The following DYM variants were observed in gnomAD, a reference collection of about 807,000 sequenced individuals.
The protein encoded by DYM is dyggve-Melchior-Clausen syndrome protein.
In DYM, 78 loss-of-function variants were observed where a neutral mutation model predicts 93.1. The observed-to-expected ratio is 0.84, with a 90% CI of 0.70 to 1.01. The LOEUF is 1.01. DYM is among the 50% of genes least tolerant of loss of function. DYM has a pLI of 0.00. For missense variants in DYM, 789 were observed against 845.0 expected (o/e 0.93, Z 0.82); for synonymous variants, 321 against 319.7 (o/e 1.00, Z -0.04).
chr18:49,312,976 T>C (rs530867007), intron 8 of DYM, among the ~76,000 whole-genome samples: 90 of 152,306 alleles, frequency 5.9e-4, no homozygotes, highest in Admixed American at 1.6e-3. Flanking sequence ...TAAGGCGTTA[T>C]GTACATGCAC....
At chr18:49,153,703 C>T (rs1374026439) in intron 15 of DYM, among the ~76,000 whole-genome samples, 3 of 152,032 alleles carry the variant, frequency 2.0e-5, no homozygotes, top group African/African-American at 7.2e-5. Context: ...TAAGTAAATA[C>T]ACGAGGGAGA....
At chr18:49,265,383 T>A (rs963206466) in intron 11 of DYM, among the ~76,000 whole-genome samples, 140 of 152,332 alleles carry the variant, frequency 9.2e-4, no homozygotes, top group African/African-American at 3.2e-3. Context: ...ATTTATTTGT[T>A]TCTTCTTCTG....
chr18:49,255,604 T>C (rs941559264), intron 13 of DYM, among the ~76,000 whole-genome samples: 17 of 142,994 alleles, frequency 1.2e-4, no homozygotes, highest in African/African-American at 4.5e-4. Flanking sequence ...ACCCAGGAGG[T>C]GGAGGTTGCA....
chr18:49,157,198 CT>C (rs2086566086), intron 15 of DYM, among the ~76,000 whole-genome samples: 1 of 152,138 alleles, frequency 6.6e-6, no homozygotes, highest in Non-Finnish European at 1.5e-5. Context: ...CCGGATGTTG[CT>C]GCTCACCTGT....
chr18:49,081,824 C>T (rs142783901), intron 17 of DYM, among the ~76,000 whole-genome samples: 259 of 152,350 alleles, frequency 1.7e-3, no homozygotes, highest in African/African-American at 5.6e-3. Context: ...TACTTTTCCA[C>T]ATGTGCCCCA....
At chr18:49,326,522 T>TACTAGTGGTAATTAAAAGGTAA (rs1410483736) in intron 8 of DYM, among the ~76,000 whole-genome samples, 1 of 152,136 alleles carries the variant, frequency 6.6e-6, no homozygotes, top group Non-Finnish European at 1.5e-5. Flanking sequence ...TTACACTAAT[T>TACTAGTGGTAATTAAAAGGTAA]TTAAAAACTT....
At position 49,112,566 on chromosome 18, in the gene DYM, A is replaced by G. The variant is rs183597160; in HGVS notation, c.1911+6178T>C. 5.3e-5 allele frequency among the ~76,000 whole-genome samples: 8 copies of G among 152,152 alleles called. No homozygotes were observed. The East Asian group carries it at 1.5e-3, about 29-fold the overall frequency. The stretch of plus-strand genomic sequence containing the variant: ...CTCATTGATAGGTTCAAGAAAAGTT[A>G]TGATTTTGTAGTTTACCTCTTTTTC... On this transcript the variant is annotated intron_variant, in intron 16 of 17. Transcript: ENST00000675505.
intron 8 of DYM, among the ~76,000 whole-genome samples, chr18:49,320,360 T>C (rs1229768442): frequency 6.6e-6 from 1 of 152,242 alleles, no homozygotes; most frequent in Non-Finnish European, 1.5e-5. Context: ...TTTGCTGTAT[T>C]TGTGATAATA....
intron 14 of DYM, among the ~76,000 whole-genome samples, chr18:49,200,097 G>A (rs565230143): frequency 5.1e-4 from 78 of 152,126 alleles, no homozygotes; most frequent in Non-Finnish European, 1.0e-3. Context: ...GTAAACCACC[G>A]CAGTTCTTTG....
intron 2 of DYM, among the ~76,000 whole-genome samples, chr18:49,418,719 C>T (rs2073295005): frequency 6.6e-6 from 1 of 152,196 alleles, no homozygotes; most frequent in Admixed American, 6.5e-5. Flanking sequence ...GTCTCCTCTA[C>T]TGAGATTCAT....
At chr18:49,066,486 T>C (rs1160138224) in intron 17 of DYM, among the ~76,000 whole-genome samples, 7 of 152,224 alleles carry the variant, frequency 4.6e-5, no homozygotes, top group Non-Finnish European at 8.8e-5. Flanking sequence ...TGCCTGAATG[T>C]ACCACAACTT....
intron 15 of DYM, among the ~76,000 whole-genome samples, chr18:49,136,249 A>T (rs901149044): frequency 6.6e-6 from 1 of 152,250 alleles, no homozygotes; most frequent in Non-Finnish European, 1.5e-5. Flanking sequence ...TCCTTACTAC[A>T]GCAAGTGTTA....
chr18:49,158,345 T>C (rs1215211670), intron 15 of DYM, among the ~76,000 whole-genome samples: 2 of 152,250 alleles, frequency 1.3e-5, no homozygotes, highest in African/African-American at 4.8e-5. Context: ...GGTAAAGTAA[T>C]GTAAAACAAA....
intron 8 of DYM, among the ~76,000 whole-genome samples, chr18:49,300,072 T>A (rs1289723964): frequency 7.6e-6 from 1 of 130,946 alleles, no homozygotes; most frequent in African/African-American, 3.5e-5. Context: ...TATATATAAA[T>A]ATATATATAT....
chr18:49,420,812 C>G (rs1307813541), intron 2 of DYM, among the ~76,000 whole-genome samples: 1 of 152,160 alleles, frequency 6.6e-6, no homozygotes, highest in African/African-American at 2.4e-5. Flanking sequence ...CACTCCCACC[C>G]TAATACTGCC....
At chr18:49,258,851 G>C (rs866588956) in intron 11 of DYM, among the ~76,000 whole-genome samples, 952 of 73,740 alleles carry the variant, frequency 0.013, 34 homozygotes, top group African/African-American at 0.053. Context: ...GAGAGAGAGA[G>C]AGAGAGAGAG....
intron 6 of DYM, among the ~76,000 whole-genome samples, chr18:49,358,897 T>C (rs992337985): frequency 3.9e-5 from 6 of 152,140 alleles, no homozygotes; most frequent in African/African-American, 1.4e-4. Flanking sequence ...GTCCTCAAAA[T>C]AACTTCCATT....
intron 17 of DYM, among the ~76,000 whole-genome samples, chr18:49,066,432 T>C (rs1469358371): frequency 1.3e-5 from 2 of 152,204 alleles, no homozygotes; most frequent in Non-Finnish European, 2.9e-5. Context: ...TTGAAACATG[T>C]TGGGTTTGGC....
chr18:49,399,935 T>A lies in DYM; in HGVS notation c.141-8290A>T, dbSNP rs36060816. Among the ~76,000 whole-genome samples, 67 of 25,666 alleles carry A rather than the reference T, an allele frequency of 2.6e-3. 2 individuals carry two copies. Among genetic ancestry groups the A allele is most frequent in the East Asian group, 7.2e-3 (9 of 1,248 alleles). The allele number at this position is 25,666 out of a possible 152,430, so 16.8% of individuals were successfully genotyped here. On this transcript the variant is annotated intron_variant, in intron 2 of 17. Transcript: ENST00000675505. Reference sequence around the variant, plus strand: ...TAAAAGACATTTATTTTTATTTTTCTTTTTTTTTTTTTTTTTTTTTTTTTG... The same window carrying A: ...TAAAAGACATTTATTTTTATTTTTCATTTTTTTTTTTTTTTTTTTTTTTTG...
Sources: gnomAD v4.1 joint callset for allele counts (sites outside exome capture counted in the v4.1 genomes callset) on GRCh38, gnomAD v4.1.1 for gene constraint, MANE v1.5 for transcripts, NCBI Gene and HGNC (gene_info 2026-07-23, HGNC 2026-07-21) for gene names.